Variants in ECE1 observed in about 807,000 individuals in gnomAD.
The protein encoded by ECE1 is endothelin converting enzyme 1, also known as endothelin-converting enzyme 1.
In ECE1, 35 loss-of-function variants were observed where a neutral mutation model predicts 98.6. The ratio of observed to expected loss-of-function variants is 0.35; its 90% confidence interval spans 0.27 to 0.47. ECE1 has a LOEUF of 0.47. ECE1 is among the 20% of genes least tolerant of loss of function. The pLI is 1.00. For synonymous variants in ECE1, 394 were observed against 407.1 expected (o/e 0.97, Z 0.39); for missense variants, 814 against 1,025.3 (o/e 0.79, Z 2.81).
chr1:21,338,324 T>C (rs1232510086), intron 1 of ECE1, among the ~76,000 whole-genome samples: 2 of 152,148 alleles, frequency 1.3e-5, no homozygotes, highest in African/African-American at 2.4e-5. Flanking sequence ...AATCGCAAAA[T>C]GTTTATCTGG....
chr1:21,313,625 C>A (rs949454104), intron 1 of ECE1, among the ~76,000 whole-genome samples: 1 of 152,230 alleles, frequency 6.6e-6, no homozygotes, highest in Non-Finnish European at 1.5e-5. Flanking sequence ...GCTCCCTCAA[C>A]CTTGGAGTGG....
chr1:21,261,516 G>C (rs2103297114), intron 4 of ECE1, among the ~76,000 whole-genome samples: 1 of 152,254 alleles, frequency 6.6e-6, no homozygotes, highest in South Asian at 2.1e-4. Context: ...CCTCTACGGG[G>C]ACATCTTTTT....
chr1:21,282,713 C>T (rs776377763), intron 2 of ECE1, among the ~76,000 whole-genome samples: 3 of 151,460 alleles, frequency 2.0e-5, no homozygotes, highest in Admixed American at 6.6e-5. Context: ...CTTAAATGTA[C>T]AGGGAAATGT....
At chr1:21,277,414 G>C (rs1180590182) in intron 3 of ECE1, among the ~76,000 whole-genome samples, 1 of 152,250 alleles carries the variant, frequency 6.6e-6, no homozygotes, top group Non-Finnish European at 1.5e-5. Context: ...AGTCTGGCCA[G>C]CTCCCGCTGC....
In ECE1 at chr1:21,338,459, G is replaced by A. The variant is rs188277367; in HGVS notation, c.3+6917C>T. On this transcript the variant is annotated intron_variant, in intron 1 of 18. Transcript: ENST00000415912. ...GCTAGGCTCTCATTTTACAGAGGAA[G>A]AAAGTGGAGCTCAAAGGGGTTAGGT... Among the ~76,000 whole-genome samples the A allele has an allele frequency of 5.3e-5, 8 of 152,354 alleles. No homozygotes were observed. The East Asian group carries it at 1.5e-3, about 29-fold the overall frequency.
intron 1 of ECE1, among the ~76,000 whole-genome samples, chr1:21,321,969 C>T (rs1638974935): frequency 6.6e-6 from 1 of 152,068 alleles, no homozygotes; most frequent in Admixed American, 6.6e-5. Flanking sequence ...AGAATGCTTC[C>T]TCAGGATCTA....
At position 21,327,640 on chromosome 1, in the gene ECE1, A is replaced by AC. The variant is rs1376320637; in HGVS notation, c.3+17735dup. 6.6e-6 allele frequency among the ~76,000 whole-genome samples: 1 copy of AC among 152,136 alleles called. No homozygotes were observed. Among genetic ancestry groups the AC allele is most frequent in the Non-Finnish European group, 1.5e-5 (1 of 68,016 alleles). On this transcript the variant is annotated intron_variant, in intron 1 of 18. Coordinates refer to the ECE1 transcript ENST00000415912. This position sits in a 1 kb window ranked among gnomAD's most constrained non-coding sequence, Gnocchi z 4.6. ...TTGGTATAGAGGAAAATAAAGCCTCACCTGGTCTGCACGGCCCTGCGGGAC... is the reference window on the plus strand; with the variant it reads ...TTGGTATAGAGGAAAATAAAGCCTCACCCTGGTCTGCACGGCCCTGCGGGAC...
Position 21,225,444 on chromosome 1 carries a change from T to C in ECE1, c.1850-4A>G. On this transcript the variant is annotated splice_region_variant and splice_polypyrimidine_tract_variant and intron_variant, in intron 16 of 18. Transcript: ENST00000374893. The surrounding 1 kb of genome is among the most constrained non-coding windows in gnomAD (Gnocchi z 5.3). ...CCGTCCTTGTCATACTCCCGTCCTG[T>C]GGGTCAGAGGGAGGCGTCATGTCAA... 3 of 1,613,826 alleles carry C rather than the reference T, an allele frequency of 1.9e-6. No homozygotes were observed. The highest frequency in any genetic ancestry group is 2.5e-6 in the Non-Finnish European group (3 of 1,179,910).
chr1:21,310,375 A>G (rs995368234), intron 1 of ECE1, among the ~76,000 whole-genome samples: 81 of 152,188 alleles, frequency 5.3e-4, no homozygotes, highest in African/African-American at 1.8e-3. Context: ...GCTGAATTAG[A>G]AAGTCCCAGG....
chr1:21,220,407 G>A lies in ECE1; in HGVS notation c.2137-276C>T, dbSNP rs1369344415. Among the ~76,000 whole-genome samples the A allele has an allele frequency of 6.6e-6, 1 of 152,174 alleles. No homozygotes were observed. Among genetic ancestry groups the A allele is most frequent in the Non-Finnish European group, 1.5e-5 (1 of 68,028 alleles). Reference sequence around the variant, plus strand: ...CCAGCTCCTGGGGAGGCTGAGGTGGGAGGATCACTGGAGCTGGAGAAGTCA... The same window carrying A: ...CCAGCTCCTGGGGAGGCTGAGGTGGAAGGATCACTGGAGCTGGAGAAGTCA... On this transcript the variant is annotated intron_variant, in intron 18 of 18. Transcript: ENST00000374893. This position sits in a 1 kb window ranked among gnomAD's most constrained non-coding sequence, Gnocchi z 5.0.
chr1:21,311,968 T>C (rs1445021127), intron 1 of ECE1, among the ~76,000 whole-genome samples: 2 of 149,542 alleles, frequency 1.3e-5, no homozygotes, highest in Non-Finnish European at 3.0e-5. Context: ...ATTAGAAATA[T>C]AAAAATTAGC....
intron 1 of ECE1, among the ~76,000 whole-genome samples, chr1:21,331,014 C>T (rs7543687): frequency 0.16 from 24,256 of 152,134 alleles, 2,342 homozygotes; most frequent in Non-Finnish European, 0.22. Flanking sequence ...TGGTGGTTCA[C>T]GCCTGTCATC....
Position 21,327,334 on chromosome 1 carries a change from T to C in ECE1, c.3+18042A>G, listed in dbSNP as rs1222418952. Among the ~76,000 whole-genome samples, 1 of 152,128 alleles carries C rather than the reference T, an allele frequency of 6.6e-6. No homozygotes were observed. Among genetic ancestry groups the C allele is most frequent in the African/African-American group, 2.4e-5 (1 of 41,430 alleles). The stretch of plus-strand genomic sequence containing the variant: ...CTCATGCAACCTTTCTGGGCTCTGT[T>C]TTCTCATTTGTCAAAGCGACGGGCT... On this transcript the variant is annotated intron_variant, in intron 1 of 18. Coordinates refer to the ECE1 transcript ENST00000415912. The surrounding 1 kb of genome is among the most constrained non-coding windows in gnomAD (Gnocchi z 4.6).
intron 1 of ECE1, among the ~76,000 whole-genome samples, chr1:21,309,396 C>T (rs766565277): frequency 4.6e-5 from 7 of 152,188 alleles, no homozygotes; most frequent in African/African-American, 7.2e-5. Context: ...TCACAGTACC[C>T]GTCCCACCAA....
In ECE1 at chr1:21,245,115, G is replaced by T. The variant is rs746731558; in HGVS notation, c.1164-12C>A. ...AGTTGTTGAGCAGGCTGCGGGGAGA[G>T]GAGGCCAGAGAGGCTCAGGGACACC... On this transcript the variant is annotated splice_polypyrimidine_tract_variant and intron_variant, in intron 9 of 18. Coordinates refer to ENST00000374893, the MANE Select transcript of ECE1 (RefSeq NM_001397.3). 1 of 1,611,318 alleles carries T rather than the reference G, an allele frequency of 6.2e-7. No individual in the cohort carries two copies. The highest frequency in any genetic ancestry group is 1.3e-5 in the African/African-American group (1 of 74,910).
intron 2 of ECE1, 96 bp from the exon 3 acceptor site, chr1:21,279,428 G>A: frequency 6.3e-7 from 1 of 1,599,444 alleles, no homozygotes; most frequent in Non-Finnish European, 8.5e-7. Context: ...AGGCCCTGGA[G>A]AGGCATCAGG....
At chr1:21,296,116 G>A (rs1333478412) in intron 1 of ECE1, among the ~76,000 whole-genome samples, 2 of 152,064 alleles carry the variant, frequency 1.3e-5, no homozygotes, top group African/African-American at 4.8e-5. Context: ...GCCAACATTT[G>A]TTGTTACTCT....
chr1:21,228,696 C>T lies in ECE1; in HGVS notation c.1671-655G>A, dbSNP rs140770982. 6.4e-3 allele frequency among the ~76,000 whole-genome samples: 968 copies of T among 151,384 alleles called. 13 individuals are homozygous for T. Among genetic ancestry groups the T allele is most frequent in the African/African-American group, 0.022 (927 of 41,242 alleles). ...CCCAGCTACGTGGGTGGCTGAGGCA[C>T]GAGAATTGCTTAAACCTGGGAGGTG... On this transcript the variant is annotated intron_variant, in intron 14 of 18. Coordinates refer to ENST00000374893, the MANE Select transcript of ECE1 (RefSeq NM_001397.3).
chr1:21,240,103 G>A (rs537744947), intron 10 of ECE1, among the ~76,000 whole-genome samples: 4 of 152,288 alleles, frequency 2.6e-5, no homozygotes, highest in South Asian at 4.1e-4. Flanking sequence ...CCTGGGAGGC[G>A]GAGGTTGCAG....
Sources: gnomAD v4.1 joint callset for allele counts (sites outside exome capture counted in the v4.1 genomes callset) on GRCh38, gnomAD v4.1.1 for gene constraint, Gnocchi (gnomAD v3.1) non-coding constraint, MANE v1.5 for transcripts, NCBI Gene and HGNC (gene_info 2026-07-23, HGNC 2026-07-21) for gene names.